Variants in UNC13C observed in about 807,000 individuals in gnomAD.
UNC13C encodes the protein unc-13 homolog C, also known as protein unc-13 homolog C.
UNC13C carries 174 observed loss-of-function variants against 245.4 expected under a neutral mutation model. The ratio of observed to expected loss-of-function variants is 0.71; its 90% confidence interval spans 0.63 to 0.80. The LOEUF is 0.80. Ranked by LOEUF, UNC13C falls within the 30% of genes least tolerant of loss-of-function variation. The pLI, the probability that UNC13C is intolerant of heterozygous loss-of-function variation, is 0.00. For synonymous variants in UNC13C, 992 were observed against 895.1 expected, an observed-to-expected ratio of 1.11 and a Z score of -1.93; for missense variants, 2,829 against 2,602.9, an observed-to-expected ratio of 1.09 and a Z score of -1.89.
At position 54,334,547 on chromosome 15, in the gene UNC13C, C is replaced by T. The variant is rs79709165; in HGVS notation, c.4584+691C>T. Among the ~76,000 whole-genome samples, 614 of 152,020 alleles carry T rather than the reference C, an allele frequency of 4.0e-3. 27 individuals carry two copies. The East Asian group carries it at 0.086, about 21-fold the overall frequency. On this transcript the variant is annotated intron_variant, in intron 16 of 32. Coordinates refer to ENST00000260323, the MANE Select transcript of UNC13C (RefSeq NM_001080534.3). ...TAAATAGCAACAATTTTTTTCTTTG[C>T]ATTTGCCCATAATTTTTTTCACTAG...
intron 4 of UNC13C, among the ~76,000 whole-genome samples, chr15:54,150,271 A>G (rs2032456719): frequency 6.6e-6 from 1 of 152,242 alleles, no homozygotes; most frequent in Non-Finnish European, 1.5e-5. Context: ...TTAAATTATT[A>G]CAGGAGAAAC....
intron 4 of UNC13C, among the ~76,000 whole-genome samples, chr15:54,195,262 G>T (rs1294437593): frequency 6.6e-6 from 1 of 152,162 alleles, no homozygotes; most frequent in Non-Finnish European, 1.5e-5. Flanking sequence ...CCAGGTTTAT[G>T]CCCTACACCC....
At chr15:54,058,167 C>T (rs1184783366) in intron 2 of UNC13C, among the ~76,000 whole-genome samples, 2 of 152,036 alleles carry the variant, frequency 1.3e-5, no homozygotes, top group African/African-American at 2.4e-5. Flanking sequence ...ATCAATGAAT[C>T]CAGGAGCTGT....
At chr15:53,897,341 C>T in the UNC13C span, among the ~76,000 whole-genome samples, 1 of 152,194 alleles carries the variant, frequency 6.6e-6, no homozygotes, top group Non-Finnish European at 1.5e-5. Context: ...GATCCAACCT[C>T]CTGATTACCA....
intron 2 of UNC13C, among the ~76,000 whole-genome samples, chr15:54,120,862 T>C (rs1221023895): frequency 1.3e-5 from 2 of 152,096 alleles, no homozygotes; most frequent in African/African-American, 4.8e-5. Context: ...TGGAATTAGA[T>C]ATGAAGCCTG....
At chr15:54,201,134 C>A (rs1191101148) in intron 4 of UNC13C, among the ~76,000 whole-genome samples, 1 of 151,886 alleles carries the variant, frequency 6.6e-6, no homozygotes, top group South Asian at 2.1e-4. Flanking sequence ...AATCTCTGAA[C>A]AGACCAATAA....
chr15:54,192,885 C>G (rs2034233231), intron 4 of UNC13C, among the ~76,000 whole-genome samples: 1 of 149,548 alleles, frequency 6.7e-6, no homozygotes, highest in Non-Finnish European at 1.5e-5. Flanking sequence ...CTCTTTCTTT[C>G]TCTTTCTCTG....
intron 14 of UNC13C, 62 bp downstream of exon 14, chr15:54,322,157 A>G (rs2038180102): frequency 7.0e-7 from 1 of 1,422,074 alleles, no homozygotes; most frequent in Non-Finnish European, 9.3e-7. Context: ...ATTTCAAGAG[A>G]CTTTGAACTT....
intron 19 of UNC13C, among the ~76,000 whole-genome samples, chr15:54,433,523 A>C (rs1207689047): frequency 6.6e-6 from 1 of 152,126 alleles, no homozygotes; most frequent in Non-Finnish European, 1.5e-5. Context: ...GACTTCAATA[A>C]AATTCAATAC....
chr15:53,959,914 A>T, the UNC13C span, among the ~76,000 whole-genome samples: 1 of 152,204 alleles, frequency 6.6e-6, no homozygotes, highest in South Asian at 2.1e-4. Flanking sequence ...ATCGCATTTT[A>T]GAAAAAGAAT....
intron 2 of UNC13C, among the ~76,000 whole-genome samples, chr15:54,108,891 G>C (rs1900602554): frequency 6.6e-6 from 1 of 152,192 alleles, no homozygotes; most frequent in African/African-American, 2.4e-5. Context: ...ACTCAGAGGA[G>C]GAAGCATTCC....
At chr15:54,153,526 A>G (rs186808033) in intron 4 of UNC13C, among the ~76,000 whole-genome samples, 11 of 152,188 alleles carry the variant, frequency 7.2e-5, no homozygotes, top group African/African-American at 2.4e-4. Context: ...TGAGATTTGA[A>G]CTAGATCTAG....
chr15:53,913,424 G>A, the UNC13C span: 1 of 152,266 alleles, frequency 6.6e-6, no homozygotes. Flanking sequence ...CCTTGATACA[G>A]AAGCAGTTAG....
chr15:54,222,872 T>C (rs1051948530), intron 4 of UNC13C, among the ~76,000 whole-genome samples: 1 of 152,130 alleles, frequency 6.6e-6, no homozygotes, highest in African/African-American at 2.4e-5. Context: ...TCATATACCT[T>C]CTTGCCATTT....
intron 12 of UNC13C, 70 bp downstream of exon 12, chr15:54,297,996 A>G (rs1264979712): frequency 1.1e-5 from 12 of 1,120,374 alleles, no homozygotes; most frequent in Non-Finnish European, 1.4e-5. Context: ...AAAACAGAAT[A>G]TTTGGTTTAA....
At chr15:54,172,737 T>TAAAA (rs1567067134) in intron 4 of UNC13C, among the ~76,000 whole-genome samples, 3 of 103,676 alleles carry the variant, frequency 2.9e-5, no homozygotes, top group Non-Finnish European at 5.5e-5. Flanking sequence ...TATATATATA[T>TAAAA]ATATATATAT....
chr15:54,326,266 A>G (rs1328495982), intron 14 of UNC13C, among the ~76,000 whole-genome samples: 1 of 152,204 alleles, frequency 6.6e-6, no homozygotes, highest in East Asian at 1.9e-4. Flanking sequence ...AAATGGTTGC[A>G]GAGGGGAAGG....
the UNC13C span, among the ~76,000 whole-genome samples, chr15:53,955,013 T>C: frequency 6.6e-6 from 1 of 152,170 alleles, no homozygotes; most frequent in Non-Finnish European, 1.5e-5. Context: ...GAAATTCAAC[T>C]TGTGGCTCTA....
chr15:54,368,397 A>G (rs1367481819), intron 17 of UNC13C, among the ~76,000 whole-genome samples: 1 of 151,954 alleles, frequency 6.6e-6, no homozygotes, highest in Non-Finnish European at 1.5e-5. Context: ...TATCTCCTCT[A>G]TGAAGTGACT....
Sources: allele counts gnomAD v4.1 joint callset (sites outside exome capture counted in the v4.1 genomes callset), GRCh38; gene constraint gnomAD v4.1.1; transcripts MANE v1.5; gene names NCBI Gene and HGNC (gene_info 2026-07-23, HGNC 2026-07-21).